The following MDGA2 variants were observed in gnomAD, a reference collection of about 807,000 sequenced individuals.
MDGA2 encodes MAM domain-containing glycosylphosphatidylinositol anchor protein 2.
In MDGA2, 40 loss-of-function variants were observed where a neutral mutation model predicts 117.8. The ratio of observed to expected loss-of-function variants is 0.34; its 90% CI spans 0.26 to 0.44. The LOEUF is 0.44. MDGA2 is among the 20% of genes least tolerant of loss of function. The probability of loss-of-function intolerance (pLI) is 1.00; values close to 1 mark genes in which losing one functional copy is unlikely to be tolerated. For synonymous variants in MDGA2, 452 were observed against 439.0 expected (o/e 1.03, Z -0.37); for missense variants, 1,123 against 1,250.6 (o/e 0.90, Z 1.54).
At chr14:46,846,158 TCTTTTAA>T (rs1880830476) in intron 15 of MDGA2, among the ~76,000 whole-genome samples, 1 of 152,116 alleles carries the variant, frequency 6.6e-6, no homozygotes, top group African/African-American at 2.4e-5. Flanking sequence ...CTACACATCC[TCTTTTAA>T]TTTTTAAGGA....
chr14:47,359,365 A>G (rs1891063120), intron 1 of MDGA2, among the ~76,000 whole-genome samples: 1 of 151,960 alleles, frequency 6.6e-6, no homozygotes, highest in Non-Finnish European at 1.5e-5. Context: ...AAACAAACAA[A>G]CAAGCAAACA....
intron 1 of MDGA2, among the ~76,000 whole-genome samples, chr14:47,579,444 G>T (rs1051604110): frequency 1.3e-5 from 2 of 151,826 alleles, no homozygotes; most frequent in African/African-American, 2.4e-5. Context: ...TTTAATAATT[G>T]CAGATTATCT....
chr14:46,948,923 C>G (rs1885270523), intron 9 of MDGA2, among the ~76,000 whole-genome samples: 1 of 152,070 alleles, frequency 6.6e-6, no homozygotes, highest in Non-Finnish European at 1.5e-5. Flanking sequence ...ATCAGTCATC[C>G]TCTCCATCTC....
In MDGA2 at chr14:46,875,659, C is replaced by A. The variant is rs913954353; in HGVS notation, c.2438-1459G>T. ...GTGTAGCAGTGTATGCATTTACATACATGCACGTATTTCTTTAAAGATATT... is the reference window on the plus strand; with the variant it reads ...GTGTAGCAGTGTATGCATTTACATAAATGCACGTATTTCTTTAAAGATATT... On this transcript the variant is annotated intron_variant, in intron 12 of 16. Coordinates refer to ENST00000399232, the MANE Select transcript of MDGA2 (RefSeq NM_001113498.3). Among the ~76,000 whole-genome samples, 30 of 151,780 alleles carry A rather than the reference C, an allele frequency of 2.0e-4. No homozygotes were observed. In the Middle Eastern group the frequency reaches 0.01, roughly 52 times the overall value.
At chr14:47,170,539 C>G (rs1884079694) in intron 3 of MDGA2, among the ~76,000 whole-genome samples, 1 of 151,974 alleles carries the variant, frequency 6.6e-6, no homozygotes, top group African/African-American at 2.4e-5. Flanking sequence ...AGAAGTCAAG[C>G]AAAGATTCAA....
At chr14:47,064,021 T>C (rs1227675012) in intron 6 of MDGA2, among the ~76,000 whole-genome samples, 1 of 151,886 alleles carries the variant, frequency 6.6e-6, no homozygotes, top group Admixed American at 6.6e-5. Flanking sequence ...CTGATAAAAA[T>C]ATGAAATCAG....
At chr14:47,175,684 G>T (rs1362906242) in intron 3 of MDGA2, among the ~76,000 whole-genome samples, 1 of 150,078 alleles carries the variant, frequency 6.7e-6, no homozygotes, top group Non-Finnish European at 1.5e-5. Context: ...CAAACCCACA[G>T]CCAATATCAT....
chr14:47,096,352 A>G (rs899571981), intron 6 of MDGA2, among the ~76,000 whole-genome samples: 132 of 152,130 alleles, frequency 8.7e-4, no homozygotes, highest in African/African-American at 3.1e-3. Context: ...GTATCATATG[A>G]CTATTGATAT....
intron 1 of MDGA2, among the ~76,000 whole-genome samples, chr14:47,672,844 A>C (rs1898100264): frequency 6.6e-6 from 1 of 152,262 alleles, no homozygotes; most frequent in East Asian, 1.9e-4. Context: ...ACCGGGGTCC[A>C]GGATAGTCAC....
chr14:46,934,646 C>A (rs1480441974), intron 9 of MDGA2, among the ~76,000 whole-genome samples: 1 of 152,102 alleles, frequency 6.6e-6, no homozygotes, highest in Non-Finnish European at 1.5e-5. Context: ...GGCATTCAAA[C>A]TGAGAGGTTC....
At position 46,882,148 on chromosome 14, in the gene MDGA2, T is replaced by TA. The variant is rs997822854; in HGVS notation, c.2311dup (p.Tyr771LeufsTer2). On this transcript the variant is annotated frameshift_variant, in exon 11 of 17. Transcript: ENST00000399232. LOFTEE classifies it high-confidence loss of function. ...TGGTTTAATTAGCTCTGTCAAGTTA[T>TA]ATGTAATTAATTCTCCCTTTTGAAT... The TA allele has an allele frequency of 6.2e-7, 1 of 1,612,560 alleles. No individual in the cohort carries two copies. The highest frequency in any genetic ancestry group is 1.3e-5 in the African/African-American group (1 of 74,874).
chr14:47,634,606 T>C (rs1360843870), intron 1 of MDGA2, among the ~76,000 whole-genome samples: 1 of 152,148 alleles, frequency 6.6e-6, no homozygotes, highest in Non-Finnish European at 1.5e-5. Context: ...TTCTAAGCTA[T>C]ATTTTGTGCT....
At position 47,183,122 on chromosome 14, in the gene MDGA2, G is replaced by A. The variant is rs181657470; in HGVS notation, c.595+34899C>T. On this transcript the variant is annotated intron_variant, in intron 3 of 16. Transcript: ENST00000399232. Reference sequence around the variant, plus strand: ...AAAATTAGACTCATTATCTTCCTCTGCATATGGGCTCATCCCTGTTTTTCC... The same window carrying A: ...AAAATTAGACTCATTATCTTCCTCTACATATGGGCTCATCCCTGTTTTTCC... Among the ~76,000 whole-genome samples, 355 of 152,158 alleles carry A rather than the reference G, an allele frequency of 2.3e-3. 3 individuals carry two copies. The highest frequency in any genetic ancestry group is 8.0e-3 in the African/African-American group (334 of 41,532).
chr14:47,040,681 T>A (rs1422565838), intron 7 of MDGA2, among the ~76,000 whole-genome samples: 1 of 152,168 alleles, frequency 6.6e-6, no homozygotes, highest in Admixed American at 6.5e-5. Flanking sequence ...GTCTGCCCCA[T>A]GTGTTGAAAC....
chr14:47,613,042 G>C (rs74579179), intron 1 of MDGA2, among the ~76,000 whole-genome samples: 6 of 152,120 alleles, frequency 3.9e-5, no homozygotes, highest in Non-Finnish European at 7.4e-5. Flanking sequence ...TCAGAAAGCC[G>C]TTCACATTGA....
At chr14:47,410,239 G>T (rs572508623) in intron 1 of MDGA2, among the ~76,000 whole-genome samples, 9 of 152,110 alleles carry the variant, frequency 5.9e-5, no homozygotes, top group Non-Finnish European at 1.3e-4. Flanking sequence ...AATGAGCCTT[G>T]TGTCTTGTAG....
In MDGA2 at chr14:47,368,268, C is replaced by G. The variant is rs1297114918; in HGVS notation, c.281-66718G>C. ...TTACACTCTAGCCTGGGCAACAGAA[C>G]CAAACTCTGTCTAAACAAAACAAAA... On this transcript the variant is annotated intron_variant, in intron 1 of 16. Coordinates refer to ENST00000399232, the MANE Select transcript of MDGA2 (RefSeq NM_001113498.3). Among the ~76,000 whole-genome samples the G allele has an allele frequency of 5.9e-5, 9 of 151,842 alleles. No individual in the cohort carries two copies. The East Asian group carries it at 1.8e-3, about 30-fold the overall frequency.
At chr14:47,115,782 C>T (rs576121790) in intron 5 of MDGA2, among the ~76,000 whole-genome samples, 1 of 152,032 alleles carries the variant, frequency 6.6e-6, no homozygotes, top group South Asian at 2.1e-4. Context: ...TAGGAAATTA[C>T]CTTATATTAA....
chr14:47,277,925 C>T lies in MDGA2; in HGVS notation c.420+23486G>A, dbSNP rs140944908. Among the ~76,000 whole-genome samples, 15 of 152,110 alleles carry T rather than the reference C, an allele frequency of 9.9e-5. No individual in the cohort carries two copies. The East Asian group carries it at 2.3e-3, about 24-fold the overall frequency. On this transcript the variant is annotated intron_variant, in intron 2 of 16. Transcript: ENST00000399232. The stretch of plus-strand genomic sequence containing the variant: ...TCTTTACCATCATTCTGCTCTATGA[C>T]AAAGTGAGCCCAGAGATGAAGAGGA...
Sources: allele counts gnomAD v4.1 joint callset (sites outside exome capture counted in the v4.1 genomes callset), GRCh38; gene constraint gnomAD v4.1.1; transcripts MANE v1.5; gene names NCBI Gene and HGNC (gene_info 2026-07-23, HGNC 2026-07-21).